HECW1: variants seen among roughly 807,000 people sequenced by gnomAD.
The protein encoded by HECW1 is E3 ubiquitin-protein ligase HECW1.
A neutral mutation model predicts 182.3 loss-of-function variants in HECW1; 61 were observed. The observed-to-expected ratio is 0.33, with a 90% CI of 0.27 to 0.41. HECW1 has a LOEUF of 0.41. HECW1 is among the 10% of genes least tolerant of loss of function. HECW1 has a pLI of 1.00. For synonymous variants in HECW1, 859 were observed against 832.6 expected, an observed-to-expected ratio of 1.03 and a Z score of -0.55; for missense variants, 1,739 against 2,108.9, an observed-to-expected ratio of 0.82 and a Z score of 3.44.
At chr7:43,507,517 G>A (rs374299654) in intron 22 of HECW1, among the ~76,000 whole-genome samples, 4 of 152,092 alleles carry the variant, frequency 2.6e-5, no homozygotes, top group African/African-American at 7.2e-5. Context: ...AAGGCATGTC[G>A]AAAATCACAG....
chr7:43,558,854 G>T (rs866987498), intron 29 of HECW1, among the ~76,000 whole-genome samples: 1 of 152,034 alleles, frequency 6.6e-6, no homozygotes, highest in African/African-American at 2.4e-5. Flanking sequence ...CAGGTGGAGC[G>T]GTATGGGCTT....
In HECW1 at chr7:43,508,038, A is replaced by G. The variant is rs2079664582; in HGVS notation, c.3773A>G (p.His1258Arg). 3 of 1,613,726 alleles carry G rather than the reference A, an allele frequency of 1.9e-6. No homozygotes were observed. The highest frequency in any genetic ancestry group is 2.5e-6 in the Non-Finnish European group (3 of 1,179,782). ...GKIKLIIRRD[H>R]LLEGTFNQVM... ...CTCAGGCTCATTATTCGCCGGGATC[A>G]TTTGTTGGAGGGAACCTTCAATCAG... The change falls in exon 23 of 30, where the codon CAT becomes CGT. Residue 1258 changes from histidine (H) to arginine (R), a missense_variant. By Grantham distance (29) the His-to-Arg change is conservative. Coordinates refer to ENST00000395891, the MANE Select transcript of HECW1 (RefSeq NM_015052.5).
rs182841546 is a variant in HECW1, at chr7:43,231,249, G to T, written c.-31-12626G>T. On this transcript the variant is annotated intron_variant, in intron 2 of 29. Transcript: ENST00000395891. ...CCTCTGCACTTCTGTCCTTTCCACA[G>T]CTGGGAATCATATGTCCCTCCCATC... Among the ~76,000 whole-genome samples the T allele has an allele frequency of 5.3e-5, 8 of 152,316 alleles. No individual in the cohort carries two copies. In the East Asian group the frequency reaches 1.5e-3, roughly 29 times the overall value.
chr7:43,559,025 G>A (rs2082123528), intron 29 of HECW1, among the ~76,000 whole-genome samples: 1 of 152,224 alleles, frequency 6.6e-6, no homozygotes. Context: ...TGAACAATTG[G>A]CAGCAAAGAG....
chr7:43,354,190 A>T (rs66785971), intron 5 of HECW1, among the ~76,000 whole-genome samples: 3,875 of 151,326 alleles, frequency 0.026, 69 homozygotes, highest in Middle Eastern at 0.037. Context: ...CCAATAATAA[A>T]AAAAAAAAAA....
chr7:43,506,654 C>A (rs1293705705), intron 21 of HECW1, among the ~76,000 whole-genome samples: 1 of 152,160 alleles, frequency 6.6e-6, no homozygotes, highest in Non-Finnish European at 1.5e-5. Flanking sequence ...AAATTGATGA[C>A]CTCATGCCTG....
intron 5 of HECW1, among the ~76,000 whole-genome samples, chr7:43,343,711 G>A (rs762970048): frequency 6.6e-6 from 1 of 151,798 alleles, no homozygotes; most frequent in African/African-American, 2.4e-5. Flanking sequence ...ATTGTGAATA[G>A]TGCCGCAATA....
rs191451218 is a variant in HECW1, at chr7:43,366,034, T to C, written c.555+5054T>C. On this transcript the variant is annotated intron_variant, in intron 6 of 29. Transcript: ENST00000395891. The stretch of plus-strand genomic sequence containing the variant: ...ACAAGAATCACTTGAACCTGGGAGG[T>C]AGAGGTTGCAGTGAGCCGAGATCAC... Among the ~76,000 whole-genome samples the C allele has an allele frequency of 5.3e-3, 785 of 149,210 alleles. 21 individuals carry two copies. The highest frequency in any genetic ancestry group is 0.017 in the East Asian group (87 of 5,016).
At chr7:43,330,992 AT>A (rs1464415622) in intron 5 of HECW1, among the ~76,000 whole-genome samples, 2 of 151,038 alleles carry the variant, frequency 1.3e-5, no homozygotes, top group African/African-American at 2.4e-5. Context: ...TATTTATTTT[AT>A]TTTTTTATAT....
At chr7:43,366,348 C>T (rs1241003625) in intron 6 of HECW1, among the ~76,000 whole-genome samples, 1 of 152,122 alleles carries the variant, frequency 6.6e-6, no homozygotes, top group African/African-American at 2.4e-5. Flanking sequence ...TTGATAAATA[C>T]CCTCCCTTCC....
chr7:43,456,461 A>G lies in HECW1; in HGVS notation c.2651+14A>G, dbSNP rs1563002637. The G allele has an allele frequency of 1.2e-6, 2 of 1,610,918 alleles. No individual in the cohort carries two copies. Among genetic ancestry groups the G allele is most frequent in the African/African-American group, 2.7e-5 (2 of 74,860 alleles). ...ACTCAACAGGCGGTTGGTGATCAGT[A>G]TGCAATGAGCTCCCCTAAACCACAG... is the stretch of plus-strand genomic sequence containing the variant. On this transcript the variant is annotated intron_variant, in intron 13 of 29. Coordinates refer to ENST00000395891, the MANE Select transcript of HECW1 (RefSeq NM_015052.5).
chr7:43,240,285 C>CAAAG (rs1377056700), intron 2 of HECW1, among the ~76,000 whole-genome samples: 2 of 152,224 alleles, frequency 1.3e-5, no homozygotes, highest in African/African-American at 4.8e-5. Flanking sequence ...TTGCAGTGAG[C>CAAAG]CGAGATCTGG....
intron 22 of HECW1, 53 bp from the exon 23 acceptor site, chr7:43,507,965 T>C: frequency 2.3e-6 from 3 of 1,286,248 alleles, no homozygotes; most frequent in Non-Finnish European, 3.4e-6. Context: ...CTTAGAACCC[T>C]GTCCAGCATC....
chr7:43,120,195 C>T (rs1400954566), intron 2 of HECW1, among the ~76,000 whole-genome samples: 1 of 152,138 alleles, frequency 6.6e-6, no homozygotes, highest in African/African-American at 2.4e-5. Context: ...TCTCCGAGTC[C>T]CCAGTTGTCC....
chr7:43,533,044 G>A (rs2081053761), intron 24 of HECW1, among the ~76,000 whole-genome samples: 1 of 152,086 alleles, frequency 6.6e-6, no homozygotes, highest in African/African-American at 2.4e-5. Context: ...AAGAGAGGTT[G>A]ATTTTGCACC....
intron 5 of HECW1, among the ~76,000 whole-genome samples, chr7:43,339,244 C>T (rs140619240): frequency 2.0e-4 from 30 of 152,292 alleles, no homozygotes; most frequent in Non-Finnish European, 2.6e-4. Context: ...CAATTACATA[C>T]GGTGGATCAT....
At chr7:43,113,470 C>T (rs1784793966) in intron 1 of HECW1, among the ~76,000 whole-genome samples, 1 of 152,200 alleles carries the variant, frequency 6.6e-6, no homozygotes, top group Admixed American at 6.5e-5. Flanking sequence ...TCGAGGGGCG[C>T]GTGGCCAGGT....
chr7:43,158,556 A>G (rs1380057116), intron 2 of HECW1, among the ~76,000 whole-genome samples: 2 of 152,184 alleles, frequency 1.3e-5, no homozygotes, highest in Non-Finnish European at 2.9e-5. Context: ...GGAGCTGGGT[A>G]CCGCTTTTTA....
chr7:43,501,926 CATAA>C (rs1326958016), intron 21 of HECW1, among the ~76,000 whole-genome samples: 1 of 152,092 alleles, frequency 6.6e-6, no homozygotes, highest in Non-Finnish European at 1.5e-5. Context: ...TTGCAGTGTC[CATAA>C]ATAAAGTGTA....
Sources: gnomAD v4.1 joint callset for allele counts (sites outside exome capture counted in the v4.1 genomes callset) on GRCh38, gnomAD v4.1.1 for gene constraint, MANE v1.5 for transcripts, NCBI Gene and HGNC (gene_info 2026-07-23, HGNC 2026-07-21) for gene names.